The following ENTREP2 variants were observed in gnomAD, a reference collection of about 807,000 sequenced individuals.
ENTREP2 encodes the protein endosomal transmembrane epsin interactor 2.
chr15:29,591,841 AAGAAGAAGAAGAAGAAGAAGAAGAAG>A, the ENTREP2 span, among the ~76,000 whole-genome samples: 2 of 12,332 alleles, frequency 1.6e-4, no homozygotes, highest in African/African-American at 3.1e-4. Flanking sequence ...AGAGAAGAAG[AAGAAGAAGAAGAAGAAGAAGAAGAAG>A]AAGAAGAAGA....
At chr15:29,402,024 G>A in the ENTREP2 span, among the ~76,000 whole-genome samples, 1 of 152,048 alleles carries the variant, frequency 6.6e-6, no homozygotes. Context: ...GCTTTTAAAT[G>A]TGTAACTTTC....
chr15:29,285,494 A>C, the ENTREP2 span, among the ~76,000 whole-genome samples: 11 of 152,348 alleles, frequency 7.2e-5, no homozygotes, highest in East Asian at 1.9e-3. Context: ...ATTCCTAGAA[A>C]AACACAACCA....
the ENTREP2 span, among the ~76,000 whole-genome samples, chr15:29,246,655 G>A: frequency 6.6e-6 from 1 of 151,880 alleles, no homozygotes; most frequent in Admixed American, 6.6e-5. Flanking sequence ...AGCTGAGATT[G>A]CGCCATTGCA....
the ENTREP2 span, among the ~76,000 whole-genome samples, chr15:29,525,241 C>A: frequency 0.019 from 2,970 of 152,314 alleles, 105 homozygotes; most frequent in African/African-American, 0.068. Flanking sequence ...CCCAGTAATT[C>A]TATTCCTAGG....
the ENTREP2 span, among the ~76,000 whole-genome samples, chr15:29,307,764 G>A: frequency 6.6e-6 from 1 of 152,176 alleles, no homozygotes; most frequent in African/African-American, 2.4e-5. Context: ...AAAAGGCTAT[G>A]TAAAGACACA....
At chr15:29,667,651 G>A in the ENTREP2 span, among the ~76,000 whole-genome samples, 1 of 151,596 alleles carries the variant, frequency 6.6e-6, no homozygotes, top group Non-Finnish European at 1.5e-5. Context: ...CTGCCACCAC[G>A]CCCAGCTAAT....
At chr15:29,211,141 C>G in the ENTREP2 span, among the ~76,000 whole-genome samples, 1 of 152,168 alleles carries the variant, frequency 6.6e-6, no homozygotes, top group Non-Finnish European at 1.5e-5. Context: ...TTTCTTCAGT[C>G]TTTTACTACG....
chr15:29,446,902 C>T, the ENTREP2 span, among the ~76,000 whole-genome samples: 2 of 152,286 alleles, frequency 1.3e-5, no homozygotes, highest in South Asian at 4.1e-4. Context: ...CCTTCTGATT[C>T]TCCTCTTCTG....
At chr15:29,577,979 A>G in the ENTREP2 span, among the ~76,000 whole-genome samples, 1 of 152,196 alleles carries the variant, frequency 6.6e-6, no homozygotes, top group Non-Finnish European at 1.5e-5. Flanking sequence ...CAATTGCAGA[A>G]GATGAAGAGT....
chr15:29,190,336 G>T, the ENTREP2 span, among the ~76,000 whole-genome samples: 1 of 151,884 alleles, frequency 6.6e-6, no homozygotes, highest in African/African-American at 2.4e-5. Flanking sequence ...AGAGAGGCTT[G>T]TTGGCCCCCA....
At chr15:29,459,332 T>C in the ENTREP2 span, among the ~76,000 whole-genome samples, 2 of 152,140 alleles carry the variant, frequency 1.3e-5, no homozygotes, top group African/African-American at 4.8e-5. Flanking sequence ...TATGAAATCG[T>C]TGGTGTGACA....
At chr15:29,197,507 CCTGTAATCCCAGCA>C in the ENTREP2 span, among the ~76,000 whole-genome samples, 1 of 152,280 alleles carries the variant, frequency 6.6e-6, no homozygotes, top group East Asian at 1.9e-4. Context: ...GTGGCTCACA[CCTGTAATCCCAGCA>C]CTTTGGGAGG....
the ENTREP2 span, among the ~76,000 whole-genome samples, chr15:29,127,113 G>A: frequency 6.6e-6 from 1 of 152,330 alleles, no homozygotes; most frequent in East Asian, 1.9e-4. Context: ...GAGCCCTCCA[G>A]GGAATTCTGA....
chr15:29,455,066 C>A, the ENTREP2 span, among the ~76,000 whole-genome samples: 138 of 152,266 alleles, frequency 9.1e-4, no homozygotes, highest in African/African-American at 3.2e-3. Context: ...GGAGCTGTGG[C>A]AAACGTGAAG....
At chr15:29,571,104 G>C in the ENTREP2 span, among the ~76,000 whole-genome samples, 2 of 151,020 alleles carry the variant, frequency 1.3e-5, no homozygotes, top group Non-Finnish European at 3.0e-5. Flanking sequence ...CTGGGCCCCA[G>C]CTGGGGCGGG....
At chr15:29,577,918 G>C in the ENTREP2 span, among the ~76,000 whole-genome samples, 1 of 152,166 alleles carries the variant, frequency 6.6e-6, no homozygotes, top group Admixed American at 6.5e-5. Context: ...GTAGTTGCTA[G>C]GGGCAGAGGG....
chr15:29,419,561 G>C, the ENTREP2 span, among the ~76,000 whole-genome samples: 1 of 152,114 alleles, frequency 6.6e-6, no homozygotes, highest in Non-Finnish European at 1.5e-5. Context: ...AAGAAATGAT[G>C]GCCAAGGATT....
At chr15:29,540,970 A>C in the ENTREP2 span, among the ~76,000 whole-genome samples, 2 of 152,214 alleles carry the variant, frequency 1.3e-5, no homozygotes, top group African/African-American at 4.8e-5. Context: ...TATCTGTGGA[A>C]ATGAGGGAAA....
chr15:29,122,500 G>C, the ENTREP2 span: 1 of 152,206 alleles, frequency 6.6e-6, no homozygotes, highest in African/African-American at 2.4e-5. Context: ...GACCCGCTGA[G>C]CTCAATCAAG....
Sources: allele counts gnomAD v4.1 joint callset (sites outside exome capture counted in the v4.1 genomes callset), GRCh38; gene constraint gnomAD v4.1.1; transcripts MANE v1.5; gene names NCBI Gene and HGNC (gene_info 2026-07-23, HGNC 2026-07-21).